Variants in TMCC1 observed in about 807,000 individuals in gnomAD.
TMCC1 encodes transmembrane and coiled-coil domains protein 1.
TMCC1 carries 15 observed loss-of-function variants against 52.4 expected under a neutral mutation model. The ratio of observed to expected loss-of-function variants is 0.29; its 90% CI spans 0.19 to 0.44. The LOEUF (loss-of-function observed/expected upper bound fraction) is 0.44, where lower values mean the gene tolerates loss of function less well. TMCC1 is among the 20% of genes least tolerant of loss of function. The pLI, the probability that TMCC1 is intolerant of heterozygous loss-of-function variation, is 1.00. For synonymous variants in TMCC1, 279 were observed against 301.9 expected (o/e 0.92, Z 0.79); for missense variants, 503 against 806.0 (o/e 0.62, Z 4.55).
chr3:129,806,065 C>T (rs931334972), intron 4 of TMCC1, among the ~76,000 whole-genome samples: 2 of 152,182 alleles, frequency 1.3e-5, no homozygotes. Flanking sequence ...AATTGGCCTA[C>T]AGTGTCACAG....
chr3:129,739,680 G>A (rs911373205), intron 4 of TMCC1, among the ~76,000 whole-genome samples: 1 of 152,142 alleles, frequency 6.6e-6, no homozygotes, highest in Non-Finnish European at 1.5e-5. Context: ...TTTGTCACAA[G>A]TTGGTCAGCA....
intron 4 of TMCC1, among the ~76,000 whole-genome samples, chr3:129,811,803 G>T (rs1267707985): frequency 6.6e-6 from 1 of 151,602 alleles, no homozygotes; most frequent in African/African-American, 2.4e-5. Context: ...ACTTAGCTGG[G>T]CGTGGTGGCA....
intron 4 of TMCC1, among the ~76,000 whole-genome samples, chr3:129,751,480 T>A (rs7641925): frequency 6.7e-6 from 1 of 150,154 alleles, no homozygotes; most frequent in African/African-American, 2.5e-5. Context: ...CAGTGAGCCA[T>A]GATTGCACCA....
chr3:129,827,266 CA>C (rs5852576), intron 4 of TMCC1, among the ~76,000 whole-genome samples: 13,777 of 152,140 alleles, frequency 0.091, 2,037 homozygotes, highest in African/African-American at 0.31. Context: ...TGGGTAAACC[CA>C]AAACAATCTG....
At chr3:129,742,062 A>AAG (rs2051506649) in intron 4 of TMCC1, among the ~76,000 whole-genome samples, 1 of 152,158 alleles carries the variant, frequency 6.6e-6, no homozygotes, top group South Asian at 2.1e-4. Context: ...CTTTTGGATG[A>AAG]AAGACCTAAA....
chr3:129,700,192 TAGTG>T (rs1466288383), intron 4 of TMCC1, among the ~76,000 whole-genome samples: 2 of 152,080 alleles, frequency 1.3e-5, no homozygotes, highest in African/African-American at 4.8e-5. Context: ...CTTAGGAACA[TAGTG>T]AGACCTTGTC....
At chr3:129,799,799 G>A (rs1394195405) in intron 4 of TMCC1, among the ~76,000 whole-genome samples, 2 of 152,142 alleles carry the variant, frequency 1.3e-5, no homozygotes, top group Non-Finnish European at 2.9e-5. Flanking sequence ...GCGACAGAGC[G>A]AGACTCTGTC....
At chr3:129,669,294 T>C (rs2087721689) in intron 5 of TMCC1, among the ~76,000 whole-genome samples, 1 of 152,202 alleles carries the variant, frequency 6.6e-6, no homozygotes, top group Non-Finnish European at 1.5e-5. Flanking sequence ...GGATTTTCTC[T>C]AGTTAATAAT....
chr3:129,655,325 C>A (rs534777474), intron 5 of TMCC1, among the ~76,000 whole-genome samples: 2 of 152,178 alleles, frequency 1.3e-5, no homozygotes, highest in South Asian at 2.1e-4. Flanking sequence ...GTTCCATAAT[C>A]TTTTCAATAC....
intron 2 of TMCC1, among the ~76,000 whole-genome samples, chr3:129,840,108 G>A (rs1037565860): frequency 2.6e-4 from 39 of 150,080 alleles, no homozygotes; most frequent in African/African-American, 9.0e-4. Flanking sequence ...CAGAAGGATC[G>A]CTTGAGCCCA....
chr3:129,827,960 T>C lies in TMCC1; in HGVS notation c.419A>G (p.Lys140Arg). The C allele has an allele frequency of 6.2e-7, 1 of 1,614,144 alleles. No homozygotes were observed. Among genetic ancestry groups the C allele is most frequent in the Non-Finnish European group, 8.5e-7 (1 of 1,180,016 alleles). ...APKGSPQINRKSGQEMTAVMQ... is the reference protein window; with the variant it reads ...APKGSPQINRRSGQEMTAVMQ... ...AACAGCTGTCATCTCCTGACCAGAC[T>C]TCCTGTTGATTTGGGGACTTCCCTT... Residue 140 changes from lysine (K) to arginine (R), a missense_variant, in exon 4 of 7, where the codon AAG becomes AGG. Around this residue, in one of 7 missense-constraint regions of TMCC1, gnomAD observed 217 missense variants for 297.9 expected, o/e 0.73. Coordinates refer to ENST00000393238, the MANE Select transcript of TMCC1 (RefSeq NM_001017395.5).
intron 4 of TMCC1, among the ~76,000 whole-genome samples, chr3:129,681,868 A>C (rs1170764107): frequency 6.6e-6 from 1 of 151,402 alleles, no homozygotes; most frequent in Non-Finnish European, 1.5e-5. Context: ...AGATCATACC[A>C]CTGCACTCCA....
chr3:129,854,269 G>A (rs1311739084), intron 2 of TMCC1, among the ~76,000 whole-genome samples: 2 of 151,722 alleles, frequency 1.3e-5, no homozygotes, highest in African/African-American at 4.8e-5. Context: ...GCACACAACT[G>A]TAATCCCAGC....
chr3:129,754,944 G>A (rs1242380275), intron 4 of TMCC1, among the ~76,000 whole-genome samples: 1 of 152,048 alleles, frequency 6.6e-6, no homozygotes, highest in Non-Finnish European at 1.5e-5. Flanking sequence ...CAGGTGTGGT[G>A]GCGGGCGCCT....
chr3:129,778,794 A>G (rs1576807894), intron 4 of TMCC1, among the ~76,000 whole-genome samples: 1 of 152,100 alleles, frequency 6.6e-6, no homozygotes, highest in African/African-American at 2.4e-5. Flanking sequence ...CATCATGTGA[A>G]GAAGGATGTG....
chr3:129,763,380 T>TA (rs1434734214), intron 4 of TMCC1, among the ~76,000 whole-genome samples: 1 of 147,018 alleles, frequency 6.8e-6, no homozygotes, highest in Admixed American at 6.8e-5. Flanking sequence ...CTGTCTCTAC[T>TA]AAAAAAATAA....
intron 4 of TMCC1, among the ~76,000 whole-genome samples, chr3:129,731,200 T>G (rs2050509037): frequency 6.6e-6 from 1 of 152,194 alleles, no homozygotes; most frequent in African/African-American, 2.4e-5. Context: ...TAAGCAACAT[T>G]AGCCCAGAGA....
intron 2 of TMCC1, among the ~76,000 whole-genome samples, chr3:129,845,328 G>GA (rs1358279144): frequency 1.3e-5 from 2 of 151,046 alleles, no homozygotes; most frequent in African/African-American, 4.9e-5. Flanking sequence ...ATCAATAGAA[G>GA]AAAAAAAGGA....
intron 4 of TMCC1, among the ~76,000 whole-genome samples, chr3:129,766,762 G>C (rs1378759795): frequency 2.6e-5 from 4 of 151,824 alleles, no homozygotes; most frequent in Non-Finnish European, 5.9e-5. Flanking sequence ...GGGACTACAG[G>C]CGTGCAACAC....
Sources: allele counts gnomAD v4.1 joint callset (sites outside exome capture counted in the v4.1 genomes callset), GRCh38; gene constraint gnomAD v4.1.1; regional missense constraint gnomAD v4.1.1; transcripts MANE v1.5; gene names NCBI Gene and HGNC (gene_info 2026-07-23, HGNC 2026-07-21).